TMEM108: variants seen among roughly 807,000 people sequenced by gnomAD.
The protein encoded by TMEM108 is transmembrane protein 108.
TMEM108 carries 12 observed loss-of-function variants against 35.1 expected under a neutral mutation model. That is an observed-to-expected ratio of 0.34 (90% CI 0.22 to 0.55). TMEM108 has a LOEUF of 0.55. Ranked by LOEUF, TMEM108 falls within the 20% of genes least tolerant of loss-of-function variation. The probability of loss-of-function intolerance (pLI) is 0.89; values close to 1 mark genes in which losing one functional copy is unlikely to be tolerated. For missense variants in TMEM108, 680 were observed against 753.3 expected, an observed-to-expected ratio of 0.90 and a Z score of 1.14; for synonymous variants, 287 against 308.6, an observed-to-expected ratio of 0.93 and a Z score of 0.73.
At chr3:133,160,413 G>A (rs1285523133) in intron 2 of TMEM108, among the ~76,000 whole-genome samples, 1 of 152,192 alleles carries the variant, frequency 6.6e-6, no homozygotes, top group Non-Finnish European at 1.5e-5. Context: ...CTGTTCCTCT[G>A]TCAGGAACCA....
In TMEM108 at chr3:133,295,171, C is replaced by T. The variant is rs1947126402; in HGVS notation, c.40+65820C>T. Among the ~76,000 whole-genome samples the T allele has an allele frequency of 2.0e-5, 3 of 152,228 alleles. No homozygotes were observed. In the South Asian group the frequency reaches 6.2e-4, roughly 32 times the overall value. On this transcript the variant is annotated intron_variant, in intron 3 of 5. Coordinates refer to ENST00000321871, the MANE Select transcript of TMEM108 (RefSeq NM_023943.4). ...TTAAATGTTTATTTCATTAAAAGGGCAAGTTTGGAGATTGACATCAGTTAT... is the reference window on the plus strand; with the variant it reads ...TTAAATGTTTATTTCATTAAAAGGGTAAGTTTGGAGATTGACATCAGTTAT...
intron 3 of TMEM108, among the ~76,000 whole-genome samples, chr3:133,367,113 G>T (rs773567084): frequency 6.6e-6 from 1 of 152,206 alleles, no homozygotes; most frequent in Non-Finnish European, 1.5e-5. Flanking sequence ...CATGAAATGG[G>T]CCAGAGGTTT....
chr3:133,147,840 T>A (rs918717080), intron 2 of TMEM108, among the ~76,000 whole-genome samples: 1 of 152,200 alleles, frequency 6.6e-6, no homozygotes, highest in African/African-American at 2.4e-5. Flanking sequence ...ATAAATCCTA[T>A]GGTGCTGGAT....
chr3:133,046,636 G>A (rs1321119898), intron 2 of TMEM108, among the ~76,000 whole-genome samples: 3 of 152,132 alleles, frequency 2.0e-5, no homozygotes, highest in African/African-American at 7.2e-5. Flanking sequence ...GTGGGCACTG[G>A]CAATGTTATA....
intron 3 of TMEM108, among the ~76,000 whole-genome samples, chr3:133,284,380 C>T (rs1483063173): frequency 6.6e-6 from 1 of 152,206 alleles, no homozygotes; most frequent in Admixed American, 6.5e-5. Flanking sequence ...ATAGAAAGGG[C>T]CGTTTGTTCA....
rs561636960 is a variant in TMEM108, at chr3:133,354,501, C to T, written c.41-25251C>T. ...GTTTGCTACAGTGAGTTGTACAGAA[C>T]AGAAGTATTGGCATTTTTATATTGG... On this transcript the variant is annotated intron_variant, in intron 3 of 5. Transcript: ENST00000321871. Among the ~76,000 whole-genome samples, 4 of 152,324 alleles carry T rather than the reference C, an allele frequency of 2.6e-5. No homozygotes were observed. The East Asian group carries it at 7.7e-4, about 29-fold the overall frequency.
chr3:133,286,449 T>A (rs1946986874), intron 3 of TMEM108, among the ~76,000 whole-genome samples: 1 of 152,168 alleles, frequency 6.6e-6, no homozygotes, highest in African/African-American at 2.4e-5. Context: ...CCCTCCCACC[T>A]CAGCCTCCCA....
In TMEM108 at chr3:133,213,159, C is replaced by T. The variant is rs563668343; in HGVS notation, c.-46-16107C>T. On this transcript the variant is annotated intron_variant, in intron 2 of 5. Transcript: ENST00000321871. ...ATAACATGATGAATATTCATTCCTT[C>T]TGTTTTCCCAGTTCTGTCTCTTGCA... Among the ~76,000 whole-genome samples the T allele has an allele frequency of 2.0e-5, 3 of 152,312 alleles. No homozygotes were observed. In the South Asian group the frequency reaches 6.2e-4, roughly 32 times the overall value.
intron 2 of TMEM108, among the ~76,000 whole-genome samples, chr3:133,200,006 C>T (rs934660871): frequency 3.9e-5 from 6 of 152,142 alleles, no homozygotes; most frequent in Admixed American, 1.3e-4. Context: ...CCTTGCAGTT[C>T]GATCTCAGAC....
intron 3 of TMEM108, among the ~76,000 whole-genome samples, chr3:133,240,924 A>G (rs898766867): frequency 1.3e-5 from 2 of 152,122 alleles, no homozygotes; most frequent in African/African-American, 4.8e-5. Flanking sequence ...TGTTTGGCAA[A>G]TCTTATTTAA....
At chr3:133,296,235 A>G (rs1947143795) in intron 3 of TMEM108, among the ~76,000 whole-genome samples, 3 of 152,216 alleles carry the variant, frequency 2.0e-5, no homozygotes, top group African/African-American at 7.2e-5. Flanking sequence ...AACAAAGCAG[A>G]AGTAATAGAA....
intron 3 of TMEM108, among the ~76,000 whole-genome samples, chr3:133,312,716 C>G (rs111488053): frequency 6.6e-6 from 1 of 152,220 alleles, no homozygotes; most frequent in Non-Finnish European, 1.5e-5. Context: ...TGCTTTGGCT[C>G]GCCCTCTGTG....
chr3:133,178,193 A>G (rs1385656046), intron 2 of TMEM108, among the ~76,000 whole-genome samples: 1 of 152,262 alleles, frequency 6.6e-6, no homozygotes, highest in East Asian at 1.9e-4. Context: ...AACATTCCAT[A>G]CTCATGGATA....
At chr3:133,080,176 A>G (rs1285264337) in intron 2 of TMEM108, among the ~76,000 whole-genome samples, 1 of 152,156 alleles carries the variant, frequency 6.6e-6, no homozygotes, top group Non-Finnish European at 1.5e-5. Flanking sequence ...GTTCAACTGC[A>G]TTCCCAAGAG....
chr3:133,369,774 C>T (rs935152612), intron 3 of TMEM108, among the ~76,000 whole-genome samples: 1 of 152,282 alleles, frequency 6.6e-6, no homozygotes, highest in East Asian at 1.9e-4. Flanking sequence ...CAGGGAGCAT[C>T]TCAGCAACCA....
intron 2 of TMEM108, among the ~76,000 whole-genome samples, chr3:133,134,790 T>G (rs1257337805): frequency 6.6e-6 from 1 of 152,044 alleles, no homozygotes; most frequent in Non-Finnish European, 1.5e-5. Flanking sequence ...ACCTCCCCGC[T>G]TCTGAGTCTG....
intron 2 of TMEM108, among the ~76,000 whole-genome samples, chr3:133,072,936 A>G (rs184946595): frequency 6.6e-6 from 1 of 152,280 alleles, no homozygotes; most frequent in East Asian, 1.9e-4. Context: ...GGCTTCTTTT[A>G]CTTAGCAAAT....
At chr3:133,094,217 T>TCCCGCCCCTCCC (rs1576314941) in intron 2 of TMEM108, among the ~76,000 whole-genome samples, 1 of 41,416 alleles carries the variant, frequency 2.4e-5, no homozygotes, top group Admixed American at 2.6e-4. Context: ...CCTTCCCACC[T>TCCCGCCCCTCCC]CCCACCCCAC....
chr3:133,365,107 AGC>A (rs1480297025), intron 3 of TMEM108, among the ~76,000 whole-genome samples: 1 of 152,218 alleles, frequency 6.6e-6, no homozygotes, highest in African/African-American at 2.4e-5. Context: ...TGAGGGCAAT[AGC>A]TGAAGAGAAG....
Sources: allele counts gnomAD v4.1 joint callset (sites outside exome capture counted in the v4.1 genomes callset), GRCh38; gene constraint gnomAD v4.1.1; transcripts MANE v1.5; gene names NCBI Gene and HGNC (gene_info 2026-07-23, HGNC 2026-07-21).